Variants in STPG2 observed in about 807,000 individuals in gnomAD.
The protein encoded by STPG2 is sperm-tail PG-rich repeat-containing protein 2.
STPG2 carries 56 observed loss-of-function variants against 54.2 expected under a neutral mutation model. That is an observed-to-expected ratio of 1.03 (90% confidence interval 0.83 to 1.29). The LOEUF is 1.29. Among genes scored for constraint, STPG2 ranks in the 50% most tolerant of loss-of-function variants. The pLI is 0.00. For missense variants in STPG2, 596 were observed against 544.9 expected (o/e 1.09, Z -0.93); for synonymous variants, 200 against 181.8 (o/e 1.10, Z -0.81).
intron 10 of STPG2, among the ~76,000 whole-genome samples, chr4:97,655,077 A>G (rs996701738): frequency 4.6e-5 from 7 of 152,038 alleles, no homozygotes; most frequent in Non-Finnish European, 8.8e-5. Flanking sequence ...GATTTTCACT[A>G]CTTTCTACTA....
chr4:97,884,424 T>C (rs1036770487), intron 8 of STPG2, among the ~76,000 whole-genome samples: 7 of 151,910 alleles, frequency 4.6e-5, no homozygotes, highest in Non-Finnish European at 8.8e-5. Context: ...ATTCTTTTTA[T>C]AAAAAGAGAA....
chr4:97,542,257 T>G (rs1731728797), intron 4 of STPG2, among the ~76,000 whole-genome samples: 1 of 152,030 alleles, frequency 6.6e-6, no homozygotes, highest in Non-Finnish European at 1.5e-5. Flanking sequence ...TACAAAGAAC[T>G]CAAACAAATT....
intron 10 of STPG2, among the ~76,000 whole-genome samples, chr4:97,688,395 C>T (rs776547081): frequency 7.2e-5 from 11 of 152,112 alleles, no homozygotes; most frequent in Non-Finnish European, 1.5e-4. Flanking sequence ...GAGACAGAGT[C>T]TGGCTCTGTC....
intron 10 of STPG2, among the ~76,000 whole-genome samples, chr4:97,666,499 C>T (rs545237968): frequency 7.7e-4 from 117 of 152,288 alleles, no homozygotes; most frequent in Admixed American, 1.5e-3. Flanking sequence ...GTAATATATA[C>T]AGAAATTAGG....
chr4:98,037,044 G>A (rs1172114659), intron 5 of STPG2, among the ~76,000 whole-genome samples: 2 of 151,886 alleles, frequency 1.3e-5, no homozygotes, highest in African/African-American at 4.8e-5. Flanking sequence ...TGAAGTAATA[G>A]ACAAATATCT....
intron 9 of STPG2, among the ~76,000 whole-genome samples, chr4:97,744,369 G>A (rs1421810252): frequency 1.3e-5 from 2 of 151,180 alleles, no homozygotes; most frequent in Non-Finnish European, 3.0e-5. Flanking sequence ...ATTGTTGGGA[G>A]GAAGTAGGGA....
chr4:97,457,116 G>T (rs1390266789), intron 4 of STPG2, among the ~76,000 whole-genome samples: 1 of 152,102 alleles, frequency 6.6e-6, no homozygotes, highest in Non-Finnish European at 1.5e-5. Flanking sequence ...ATAGTGGTGA[G>T]GATGTAAAGC....
At chr4:97,979,276 C>T (rs922497828) in intron 6 of STPG2, among the ~76,000 whole-genome samples, 1 of 151,844 alleles carries the variant, frequency 6.6e-6, no homozygotes, top group Non-Finnish European at 1.5e-5. Flanking sequence ...CTCAGCAGAA[C>T]CAAGAGCCTA....
At chr4:98,024,385 C>T (rs183398578) in intron 5 of STPG2, among the ~76,000 whole-genome samples, 8 of 152,246 alleles carry the variant, frequency 5.3e-5, no homozygotes, top group East Asian at 1.9e-4. Context: ...AACTGGAACA[C>T]CTATTATTTA....
At chr4:97,861,837 A>C (rs535906836) in intron 8 of STPG2, among the ~76,000 whole-genome samples, 4 of 152,224 alleles carry the variant, frequency 2.6e-5, no homozygotes, top group African/African-American at 9.6e-5. Context: ...TCATAAGTGA[A>C]GGAGAAATAA....
At chr4:97,961,591 A>C (rs962873269) in intron 7 of STPG2, among the ~76,000 whole-genome samples, 2 of 152,248 alleles carry the variant, frequency 1.3e-5, no homozygotes, top group African/African-American at 4.8e-5. Context: ...AATAGCCAAC[A>C]AACATATGAA....
At chr4:97,564,917 G>A (rs1163027524) in intron 10 of STPG2, among the ~76,000 whole-genome samples, 1 of 152,130 alleles carries the variant, frequency 6.6e-6, no homozygotes, top group Non-Finnish European at 1.5e-5. Context: ...GTGTCTTGGA[G>A]TTGCTCTTCT....
intron 5 of STPG2, among the ~76,000 whole-genome samples, chr4:98,038,344 T>C (rs2149305142): frequency 1.3e-5 from 2 of 152,226 alleles, no homozygotes; most frequent in Middle Eastern, 6.8e-3. Context: ...TTAAAAATAG[T>C]GTGGTATTGG....
At chr4:97,972,248 T>C (rs768689530) in intron 7 of STPG2, 32 bp downstream of exon 7, 3 of 1,429,156 alleles carry the variant, frequency 2.1e-6, no homozygotes, top group Non-Finnish European at 2.8e-6. Flanking sequence ...ATATTCAACA[T>C]AAAGAATATT....
chr4:97,459,695 C>T (rs1219187769), intron 4 of STPG2, among the ~76,000 whole-genome samples: 1 of 152,120 alleles, frequency 6.6e-6, no homozygotes, highest in Non-Finnish European at 1.5e-5. Context: ...CCTGCCTCGG[C>T]CTCCCAAAGT....
chr4:97,698,439 G>C (rs2148995160), intron 10 of STPG2, among the ~76,000 whole-genome samples: 1 of 152,250 alleles, frequency 6.6e-6, no homozygotes, highest in Middle Eastern at 3.4e-3. Flanking sequence ...TTAAAGGTAG[G>C]AGGAGCACAA....
At chr4:97,945,913 G>T (rs1423895696) in intron 7 of STPG2, among the ~76,000 whole-genome samples, 2 of 152,028 alleles carry the variant, frequency 1.3e-5, no homozygotes, top group South Asian at 2.1e-4. Context: ...ACAAAAATTA[G>T]CTGAGTGTGG....
At chr4:97,586,293 T>A (rs952090842) in intron 10 of STPG2, among the ~76,000 whole-genome samples, 3 of 151,640 alleles carry the variant, frequency 2.0e-5, no homozygotes, top group African/African-American at 7.3e-5. Context: ...AAGAAAAATA[T>A]ACTGAAAAAA....
At chr4:97,888,487 A>G (rs1340291307) in intron 8 of STPG2, among the ~76,000 whole-genome samples, 1 of 152,146 alleles carries the variant, frequency 6.6e-6, no homozygotes, top group Non-Finnish European at 1.5e-5. Context: ...TGGGTTTCAG[A>G]TTTGTACAGG....
Sources: allele counts gnomAD v4.1 joint callset (sites outside exome capture counted in the v4.1 genomes callset), GRCh38; gene constraint gnomAD v4.1.1; transcripts MANE v1.5; gene names NCBI Gene and HGNC (gene_info 2026-07-23, HGNC 2026-07-21).